PPME1: variants seen among roughly 807,000 people sequenced by gnomAD.
PPME1 encodes testicular secretory protein Li 39.
Under a neutral mutation model 56.9 loss-of-function variants are expected in PPME1, and 17 were observed. The ratio of observed to expected loss-of-function variants is 0.30; its 90% CI spans 0.20 to 0.45. The LOEUF is 0.45. Ranked by LOEUF, PPME1 falls within the 20% of genes least tolerant of loss-of-function variation. The probability of loss-of-function intolerance (pLI) is 1.00; values close to 1 mark genes in which losing one functional copy is unlikely to be tolerated. For synonymous variants in PPME1, 122 were observed against 156.2 expected, an observed-to-expected ratio of 0.78 and a Z score of 1.63; for missense variants, 357 against 483.2, an observed-to-expected ratio of 0.74 and a Z score of 2.45.
chr11:74,231,816 T>G (rs1292848010), intron 7 of PPME1, among the ~76,000 whole-genome samples: 1 of 152,230 alleles, frequency 6.6e-6, no homozygotes, highest in East Asian at 1.9e-4. Context: ...ATTTGGATTT[T>G]GGGTAAATAA....
chr11:74,216,859 T>G (rs1311696413), intron 3 of PPME1, among the ~76,000 whole-genome samples: 2 of 152,132 alleles, frequency 1.3e-5, no homozygotes, highest in Non-Finnish European at 2.9e-5. Flanking sequence ...GCCAATAAGT[T>G]GGAAAATCTA....
intron 3 of PPME1, among the ~76,000 whole-genome samples, chr11:74,220,733 T>C (rs1181259917): frequency 2.0e-5 from 3 of 152,238 alleles, no homozygotes; most frequent in East Asian, 1.9e-4. Flanking sequence ...GTTGCAGTTA[T>C]TGCTAAACAC....
At chr11:74,203,069 C>T (rs1013246451) in intron 1 of PPME1, among the ~76,000 whole-genome samples, 21 of 152,196 alleles carry the variant, frequency 1.4e-4, no homozygotes, top group South Asian at 2.1e-4. Flanking sequence ...TTATTTTCAT[C>T]GGTCCCCTAT....
chr11:74,174,400 C>T (rs963456492), intron 1 of PPME1, among the ~76,000 whole-genome samples: 3 of 152,100 alleles, frequency 2.0e-5, no homozygotes, highest in African/African-American at 7.2e-5. Context: ...TTTCTTCAGT[C>T]GTAATTTATG....
intron 3 of PPME1, among the ~76,000 whole-genome samples, chr11:74,207,450 A>G (rs1858356424): frequency 6.6e-6 from 1 of 152,240 alleles, no homozygotes; most frequent in African/African-American, 2.4e-5. Flanking sequence ...CACTTGGGAA[A>G]CTTTTATCTG....
intron 3 of PPME1, among the ~76,000 whole-genome samples, chr11:74,206,283 A>C (rs941378425): frequency 1.3e-5 from 2 of 152,160 alleles, no homozygotes; most frequent in Non-Finnish European, 2.9e-5. Context: ...TAGGCTTATG[A>C]GTAATTTTCT....
At chr11:74,214,799 A>G (rs996190672) in intron 3 of PPME1, among the ~76,000 whole-genome samples, 3 of 152,228 alleles carry the variant, frequency 2.0e-5, no homozygotes, top group Admixed American at 6.5e-5. Flanking sequence ...GATTTCATCA[A>G]CACCAGACTT....
At chr11:74,239,290 G>A in intron 9 of PPME1, 34 bp downstream of exon 9, 1 of 1,604,538 alleles carries the variant, frequency 6.2e-7, no homozygotes, top group Non-Finnish European at 8.5e-7. Context: ...AAAAGATGCG[G>A]TATGGAATGG....
At chr11:74,192,097 C>A (rs1164752585) in intron 1 of PPME1, among the ~76,000 whole-genome samples, 1 of 152,178 alleles carries the variant, frequency 6.6e-6, no homozygotes, top group Non-Finnish European at 1.5e-5. Flanking sequence ...GCTGGCAGGG[C>A]TATACCCTAC....
Position 74,222,476 on chromosome 11 carries a change from A to G in PPME1, c.346+107A>G, listed in dbSNP as rs1169546192. The G allele has an allele frequency of 8.1e-6, 8 of 990,670 alleles. No homozygotes were observed. The East Asian group carries it at 2.0e-4, about 25-fold the overall frequency. 61.4% of individuals were successfully genotyped at this position (990,670 alleles called of 1,614,324 possible). A position where few individuals can be genotyped will look rare whatever the true frequency, so the allele number is the denominator to read the frequency against. ...ACGTGGCCATAAAATAACCTGGTCT[A>G]TTCCATTTGAGCTTTTTGTTGTTGT... On this transcript the variant is annotated intron_variant, in intron 4 of 13. Transcript: ENST00000328257.
chr11:74,249,923 G>C (rs1416734999), intron 11 of PPME1: 1 of 152,188 alleles, frequency 6.6e-6, no homozygotes, highest in African/African-American at 2.4e-5. Context: ...TACTAAATGG[G>C]ATCATCTTAT....
In PPME1 at chr11:74,203,830, T is replaced by G. The variant is rs478893; in HGVS notation, c.195+9T>G. 1 of 1,575,320 alleles carries G rather than the reference T, an allele frequency of 6.3e-7. No homozygotes were observed. The highest frequency in any genetic ancestry group is 1.2e-5 in the South Asian group (1 of 85,938). On this transcript the variant is annotated intron_variant, in intron 2 of 13. Coordinates refer to ENST00000328257, the MANE Select transcript of PPME1 (RefSeq NM_016147.3). The stretch of plus-strand genomic sequence containing the variant: ...ATGAAACTGGCAAGGATATATCCTT[T>G]GCAAAATGGCTTATTCTTTAGTGAG...
At chr11:74,173,573 ACT>A (rs562142183) in intron 1 of PPME1, among the ~76,000 whole-genome samples, 25 of 151,974 alleles carry the variant, frequency 1.6e-4, no homozygotes, top group Non-Finnish European at 2.6e-4. Flanking sequence ...ACAGAGTCTC[ACT>A]CTGTTGCCCA....
At chr11:74,242,400 TCAGA>T (rs1859384293) in intron 9 of PPME1, among the ~76,000 whole-genome samples, 1 of 152,250 alleles carries the variant, frequency 6.6e-6, no homozygotes, top group African/African-American at 2.4e-5. Flanking sequence ...TGTCTTGAAA[TCAGA>T]CAGTGTGTAA....
chr11:74,197,688 A>G (rs1858024153), intron 1 of PPME1, among the ~76,000 whole-genome samples: 1 of 152,240 alleles, frequency 6.6e-6, no homozygotes, highest in Admixed American at 6.5e-5. Flanking sequence ...CAGGTTCAGG[A>G]ACTGATAAGA....
intron 3 of PPME1, among the ~76,000 whole-genome samples, chr11:74,221,730 A>AT (rs1276607077): frequency 6.6e-6 from 1 of 152,030 alleles, no homozygotes; most frequent in Admixed American, 6.6e-5. Flanking sequence ...ATTATTTCAG[A>AT]TTTTTTTCAC....
At chr11:74,185,672 T>C (rs574203848) in intron 1 of PPME1, among the ~76,000 whole-genome samples, 1 of 152,010 alleles carries the variant, frequency 6.6e-6, no homozygotes, top group African/African-American at 2.4e-5. Flanking sequence ...TTTTTAACTT[T>C]TCGAGTTGTA....
intron 3 of PPME1, among the ~76,000 whole-genome samples, chr11:74,213,039 T>A (rs1858523541): frequency 6.6e-6 from 1 of 151,958 alleles, no homozygotes; most frequent in Admixed American, 6.5e-5. Flanking sequence ...ACTCTTGGGG[T>A]TCCCAATTCC....
At chr11:74,184,989 C>CTTTTTTTTT (rs559947122) in intron 1 of PPME1, among the ~76,000 whole-genome samples, 2 of 95,744 alleles carry the variant, frequency 2.1e-5, no homozygotes, top group Non-Finnish European at 2.2e-5. Flanking sequence ...TGAAGTATGT[C>CTTTTTTTTT]TTTTTTTTTT....
Sources: allele counts gnomAD v4.1 joint callset (sites outside exome capture counted in the v4.1 genomes callset), GRCh38; gene constraint gnomAD v4.1.1; transcripts MANE v1.5; gene names NCBI Gene and HGNC (gene_info 2026-07-23, HGNC 2026-07-21).